Variants in CNTNAP2 observed in about 807,000 individuals in gnomAD.
CNTNAP2 encodes contactin-associated protein-like 2.
CNTNAP2 carries 98 observed loss-of-function variants against 155.2 expected under a neutral mutation model. The ratio of observed to expected loss-of-function variants is 0.63; its 90% CI spans 0.54 to 0.75. The LOEUF (loss-of-function observed/expected upper bound fraction) is 0.75, where lower values mean the gene tolerates loss of function less well. Ranked by LOEUF, CNTNAP2 falls within the 30% of genes least tolerant of loss-of-function variation. The pLI is 0.00. For missense variants in CNTNAP2, 1,727 were observed against 1,688.1 expected (o/e 1.02, Z -0.40); for synonymous variants, 651 against 631.2 (o/e 1.03, Z -0.47).
At chr7:146,174,548 C>T (rs1163300503) in intron 1 of CNTNAP2, among the ~76,000 whole-genome samples, 1 of 152,038 alleles carries the variant, frequency 6.6e-6, no homozygotes, top group Non-Finnish European at 1.5e-5. Context: ...TTTGCTGATT[C>T]TACTATAGGC....
At chr7:146,590,061 G>A (rs753120816) in intron 1 of CNTNAP2, among the ~76,000 whole-genome samples, 1 of 152,172 alleles carries the variant, frequency 6.6e-6, no homozygotes, top group Non-Finnish European at 1.5e-5. Context: ...CAGGAGGAAA[G>A]AAGAACAGGT....
rs145045482 is a variant in CNTNAP2, at chr7:148,008,959, C to T, written c.2383+30970C>T. Among the ~76,000 whole-genome samples, 50 of 152,276 alleles carry T rather than the reference C, an allele frequency of 3.3e-4. No homozygotes were observed. In the East Asian group the frequency reaches 9.1e-3, roughly 28 times the overall value. ...GCTTTGCTGTGTGTGGAAAGAATAACATTATGTGGAGTAACAAACCCTTAA... is the reference window on the plus strand; with the variant it reads ...GCTTTGCTGTGTGTGGAAAGAATAATATTATGTGGAGTAACAAACCCTTAA... On this transcript the variant is annotated intron_variant, in intron 15 of 23. Transcript: ENST00000361727.
At chr7:146,164,588 C>G (rs1425068403) in intron 1 of CNTNAP2, among the ~76,000 whole-genome samples, 2 of 152,176 alleles carry the variant, frequency 1.3e-5, no homozygotes, top group African/African-American at 2.4e-5. Context: ...AACTTGAATA[C>G]CATCAGTAGG....
intron 8 of CNTNAP2, among the ~76,000 whole-genome samples, chr7:147,213,093 G>A (rs1803192370): frequency 6.6e-6 from 1 of 152,078 alleles, no homozygotes; most frequent in African/African-American, 2.4e-5. Context: ...TGCAATAATG[G>A]ATACTGATAA....
chr7:148,313,893 A>G (rs1361796003), intron 21 of CNTNAP2, among the ~76,000 whole-genome samples: 3 of 152,192 alleles, frequency 2.0e-5, no homozygotes, highest in Non-Finnish European at 2.9e-5. Flanking sequence ...ATATTTGATG[A>G]AAAAGAGCCT....
At chr7:146,274,397 A>G (rs1423263271) in intron 1 of CNTNAP2, among the ~76,000 whole-genome samples, 4 of 152,198 alleles carry the variant, frequency 2.6e-5, no homozygotes, top group Non-Finnish European at 4.4e-5. Context: ...TCATTCTTCT[A>G]TGATTTGGAA....
intron 1 of CNTNAP2, among the ~76,000 whole-genome samples, chr7:146,442,435 GGT>G (rs144123814): frequency 2.0e-5 from 3 of 150,604 alleles, no homozygotes; most frequent in African/African-American, 2.5e-5. Flanking sequence ...ATCCATTTGG[GGT>G]GTGTGTGTGT....
At chr7:146,510,805 T>C (rs1797454063) in intron 1 of CNTNAP2, among the ~76,000 whole-genome samples, 1 of 152,138 alleles carries the variant, frequency 6.6e-6, no homozygotes, top group South Asian at 2.1e-4. Context: ...TGTACATAAA[T>C]GCTACTGAGT....
chr7:147,969,201 C>T (rs1585053702), intron 14 of CNTNAP2, among the ~76,000 whole-genome samples: 1 of 152,274 alleles, frequency 6.6e-6, no homozygotes, highest in East Asian at 1.9e-4. Flanking sequence ...AGGCATGTGC[C>T]ACCATGCCCA....
intron 10 of CNTNAP2, among the ~76,000 whole-genome samples, chr7:147,409,232 A>C (rs1217654514): frequency 2.0e-5 from 3 of 152,152 alleles, no homozygotes; most frequent in Non-Finnish European, 2.9e-5. Flanking sequence ...GGCAGAATTG[A>C]GATAGAAGTG....
intron 12 of CNTNAP2, among the ~76,000 whole-genome samples, chr7:147,625,310 C>G (rs1479315255): frequency 6.6e-6 from 1 of 152,140 alleles, no homozygotes; most frequent in African/African-American, 2.4e-5. Flanking sequence ...ATACCTCCTT[C>G]TCTGTGATGT....
intron 1 of CNTNAP2, among the ~76,000 whole-genome samples, chr7:146,178,313 G>A (rs900549191): frequency 3.3e-5 from 5 of 152,266 alleles, no homozygotes; most frequent in Non-Finnish European, 5.9e-5. Flanking sequence ...GATTACAGGC[G>A]TGAGCTACTG....
At chr7:147,099,706 A>G (rs1800616959) in intron 4 of CNTNAP2, among the ~76,000 whole-genome samples, 1 of 152,184 alleles carries the variant, frequency 6.6e-6, no homozygotes, top group Non-Finnish European at 1.5e-5. Flanking sequence ...TCCGAAATAA[A>G]TGTTGGGAAT....
intron 13 of CNTNAP2, among the ~76,000 whole-genome samples, chr7:147,802,275 G>A (rs995212487): frequency 1.6e-4 from 24 of 146,562 alleles, no homozygotes; most frequent in Non-Finnish European, 8.9e-5. Flanking sequence ...GGGCAGAGAC[G>A]CTCCTCACTT....
intron 13 of CNTNAP2, among the ~76,000 whole-genome samples, chr7:147,804,547 T>TTG (rs1266342075): frequency 9.6e-6 from 1 of 103,632 alleles, no homozygotes; most frequent in Non-Finnish European, 2.0e-5. Context: ...TCAGTTTTTG[T>TTG]TTTTTTGTTT....
intron 13 of CNTNAP2, among the ~76,000 whole-genome samples, chr7:147,729,932 A>C (rs979289492): frequency 2.6e-5 from 4 of 152,104 alleles, no homozygotes; most frequent in Non-Finnish European, 5.9e-5. Flanking sequence ...TTTCAATTTT[A>C]TTTTGAAGGA....
At chr7:148,256,152 G>T (rs1796449766) in intron 20 of CNTNAP2, among the ~76,000 whole-genome samples, 1 of 152,136 alleles carries the variant, frequency 6.6e-6, no homozygotes. Context: ...GAAAGTGAGA[G>T]AATGATGCCT....
chr7:147,647,620 C>A (rs769795089), intron 13 of CNTNAP2, among the ~76,000 whole-genome samples: 1 of 151,996 alleles, frequency 6.6e-6, no homozygotes, highest in Non-Finnish European at 1.5e-5. Flanking sequence ...CTCTTTCTTA[C>A]AATAACACAA....
intron 15 of CNTNAP2, among the ~76,000 whole-genome samples, chr7:147,997,311 T>C (rs1170459274): frequency 6.6e-6 from 1 of 152,118 alleles, no homozygotes. Flanking sequence ...CCCAGCACTT[T>C]GGGAGGCCGA....
Sources: allele counts gnomAD v4.1 joint callset (sites outside exome capture counted in the v4.1 genomes callset), GRCh38; gene constraint gnomAD v4.1.1; transcripts MANE v1.5; gene names NCBI Gene and HGNC (gene_info 2026-07-23, HGNC 2026-07-21).